PCDH9: variants seen among roughly 807,000 people sequenced by gnomAD.
PCDH9 encodes protocadherin-9.
In PCDH9, 24 loss-of-function variants were observed where a neutral mutation model predicts 70.6. The observed-to-expected ratio is 0.34, with a 90% CI of 0.25 to 0.48. The LOEUF (loss-of-function observed/expected upper bound fraction) is 0.48. Ranked by LOEUF, PCDH9 falls within the 20% of genes least tolerant of loss-of-function variation. PCDH9 has a pLI of 0.99. For missense variants in PCDH9, 1,281 were observed against 1,503.6 expected, an observed-to-expected ratio of 0.85 and a Z score of 2.45; for synonymous variants, 562 against 558.5, an observed-to-expected ratio of 1.01 and a Z score of -0.09.
At chr13:66,364,576 T>C (rs1485122372) in intron 4 of PCDH9, among the ~76,000 whole-genome samples, 1 of 152,184 alleles carries the variant, frequency 6.6e-6, no homozygotes, top group Admixed American at 6.6e-5. Context: ...GTGGAAATGA[T>C]TAGGGATATC....
intron 4 of PCDH9, among the ~76,000 whole-genome samples, chr13:66,377,204 C>A (rs1956764544): frequency 6.6e-6 from 1 of 152,124 alleles, no homozygotes; most frequent in Non-Finnish European, 1.5e-5. Flanking sequence ...TTAGTAGCCA[C>A]CCACTCTGTA....
intron 4 of PCDH9, among the ~76,000 whole-genome samples, chr13:66,543,190 G>T (rs771599233): frequency 1.3e-5 from 2 of 152,090 alleles, no homozygotes; most frequent in East Asian, 3.9e-4. Context: ...TCACTGACAC[G>T]TTATCGTTTC....
Position 66,983,879 on chromosome 13 carries a change from G to A in PCDH9, c.3037-80274C>T, listed in dbSNP as rs577714637. Reference sequence around the variant, plus strand: ...TCCCTTCTCCCACCCTCCACCCTCAGGCAGGCCCCAGTGTCACAAACTCAC... The same window carrying A: ...TCCCTTCTCCCACCCTCCACCCTCAAGCAGGCCCCAGTGTCACAAACTCAC... On this transcript the variant is annotated intron_variant, in intron 2 of 4. Coordinates refer to ENST00000377865, the MANE Select transcript of PCDH9 (RefSeq NM_203487.3). 2.0e-5 allele frequency among the ~76,000 whole-genome samples: 3 copies of A among 151,122 alleles called. No homozygotes were observed. In the South Asian group the frequency reaches 6.3e-4, roughly 32 times the overall value.
At chr13:67,093,342 T>C (rs1218237140) in intron 2 of PCDH9, among the ~76,000 whole-genome samples, 1 of 151,976 alleles carries the variant, frequency 6.6e-6, no homozygotes, top group East Asian at 1.9e-4. Context: ...GTATCCCAGC[T>C]ACCTGGTAGG....
intron 2 of PCDH9, among the ~76,000 whole-genome samples, chr13:67,032,356 G>A (rs1373317716): frequency 1.3e-5 from 2 of 151,744 alleles, no homozygotes; most frequent in African/African-American, 4.9e-5. Context: ...TAGAAATGGG[G>A]TTTCATCATG....
At chr13:66,480,339 T>C (rs553901595) in intron 4 of PCDH9, among the ~76,000 whole-genome samples, 2 of 152,352 alleles carry the variant, frequency 1.3e-5, no homozygotes, top group East Asian at 1.9e-4. Flanking sequence ...AGGTGGTTTC[T>C]TGAGATGGAA....
At chr13:67,057,795 T>A (rs2085452420) in intron 2 of PCDH9, among the ~76,000 whole-genome samples, 1 of 152,066 alleles carries the variant, frequency 6.6e-6, no homozygotes. Context: ...ACTATGACCA[T>A]CAGAAAAACT....
Position 66,485,289 on chromosome 13 carries a change from T to C in PCDH9, c.3340+145921A>G, listed in dbSNP as rs569206331. On this transcript the variant is annotated intron_variant, in intron 4 of 4. Transcript: ENST00000377865. Reference sequence around the variant, plus strand: ...TAATTTCCTTCACAGTCTTTTCATGTACTAATTGCTATAAAATTTACCTTT... The same window carrying C: ...TAATTTCCTTCACAGTCTTTTCATGCACTAATTGCTATAAAATTTACCTTT... 3.3e-5 allele frequency among the ~76,000 whole-genome samples: 5 copies of C among 152,374 alleles called. No individual in the cohort carries two copies. In the East Asian group the frequency reaches 9.6e-4, roughly 29 times the overall value.
At chr13:67,007,667 A>G (rs1298031317) in intron 2 of PCDH9, among the ~76,000 whole-genome samples, 1 of 152,188 alleles carries the variant, frequency 6.6e-6, no homozygotes, top group Non-Finnish European at 1.5e-5. Flanking sequence ...AATTTGAATA[A>G]GAATCCTCAT....
intron 4 of PCDH9, among the ~76,000 whole-genome samples, chr13:66,609,080 A>C (rs1566453093): frequency 6.6e-6 from 1 of 152,202 alleles, no homozygotes; most frequent in Admixed American, 6.5e-5. Context: ...ATCATATTGT[A>C]GCATGTAATG....
chr13:66,648,892 A>C (rs988701848), intron 3 of PCDH9, among the ~76,000 whole-genome samples: 1 of 152,086 alleles, frequency 6.6e-6, no homozygotes, highest in African/African-American at 2.4e-5. Context: ...AAAAAATTTT[A>C]AAAAACCAAG....
At chr13:66,631,467 C>T in intron 3 of PCDH9, 56 bp from the exon 4 acceptor site, 4 of 998,382 alleles carry the variant, frequency 4.0e-6, no homozygotes, top group Non-Finnish European at 6.3e-6. Context: ...TAAAACAGGC[C>T]TAGTGGAACA....
At chr13:66,521,769 C>T (rs770011276) in intron 4 of PCDH9, among the ~76,000 whole-genome samples, 19 of 152,068 alleles carry the variant, frequency 1.2e-4, no homozygotes, top group Non-Finnish European at 2.4e-4. Context: ...CAGGATACGA[C>T]AATTCACAAA....
In PCDH9 at chr13:66,304,792, T is replaced by G. The variant is rs751015864; in HGVS notation, c.3577A>C (p.Asn1193His). The change falls in exon 5 of 5, where the codon AAT becomes CAT. Residue 1193 changes from asparagine (N) to histidine (H), a missense_variant. This residue lies in a region of PCDH9 where 264 missense variants were observed against 278.8 expected (regional missense o/e 0.95). Coordinates refer to ENST00000377865, the MANE Select transcript of PCDH9 (RefSeq NM_203487.3). ...WKEDSNRNQF[N>H]DRKQYGSNEG... ...TTGGAGCCATACTGCTTACGGTCAT[T>G]GAACTGGTTCCTGTTGCTGTCTTCT... is the stretch of plus-strand genomic sequence containing the variant. 6.2e-7 allele frequency: 1 copy of G among 1,613,568 alleles called. No individual in the cohort carries two copies. Among genetic ancestry groups the G allele is most frequent in the South Asian group, 1.1e-5 (1 of 91,068 alleles).
At chr13:66,724,212 A>T (rs972423072) in intron 3 of PCDH9, among the ~76,000 whole-genome samples, 20 of 152,192 alleles carry the variant, frequency 1.3e-4, no homozygotes, top group Non-Finnish European at 1.0e-4. Context: ...AATTCATTTG[A>T]TTGTTGTTCA....
At chr13:66,802,034 C>A (rs1290867090) in intron 3 of PCDH9, among the ~76,000 whole-genome samples, 2 of 150,186 alleles carry the variant, frequency 1.3e-5, no homozygotes, top group Non-Finnish European at 3.0e-5. Flanking sequence ...TTGTTTTTAA[C>A]TAAAGTGTCT....
intron 2 of PCDH9, among the ~76,000 whole-genome samples, chr13:67,066,954 A>G (rs1033554981): frequency 1.3e-5 from 2 of 152,210 alleles, no homozygotes; most frequent in Non-Finnish European, 1.5e-5. Context: ...TCCATATGAA[A>G]TGCACGGATC....
At chr13:66,386,248 A>C (rs1477239585) in intron 4 of PCDH9, among the ~76,000 whole-genome samples, 3 of 152,164 alleles carry the variant, frequency 2.0e-5, no homozygotes, top group Admixed American at 6.5e-5. Flanking sequence ...TCAGTCTTCT[A>C]TCTCAATATA....
At chr13:66,555,639 G>C (rs1016607573) in intron 4 of PCDH9, among the ~76,000 whole-genome samples, 1 of 141,358 alleles carries the variant, frequency 7.1e-6, no homozygotes, top group Non-Finnish European at 1.6e-5. Context: ...CTGAGGGTAG[G>C]GCTTTTGACA....
Sources: allele counts gnomAD v4.1 joint callset (sites outside exome capture counted in the v4.1 genomes callset), GRCh38; gene constraint gnomAD v4.1.1; regional missense constraint gnomAD v4.1.1; transcripts MANE v1.5; gene names NCBI Gene and HGNC (gene_info 2026-07-23, HGNC 2026-07-21).